Variants in PDILT observed in about 807,000 individuals in gnomAD.
PDILT encodes the protein protein disulfide isomerase like, testis expressed, also known as protein disulfide-isomerase-like protein of the testis.
Under a neutral mutation model 53.7 loss-of-function variants are expected in PDILT, and 43 were observed. The ratio of observed to expected loss-of-function variants is 0.80; its 90% CI spans 0.63 to 1.03. The LOEUF is 1.03. Among genes scored for constraint, PDILT ranks in the 50% least tolerant of loss-of-function variants. The pLI is 0.00. For synonymous variants in PDILT, 282 were observed against 274.2 expected (o/e 1.03, Z -0.28); for missense variants, 727 against 712.3 (o/e 1.02, Z -0.24).
chr16:20,390,610 T>A (rs1161065969), intron 2 of PDILT: 1 of 152,244 alleles, frequency 6.6e-6, no homozygotes. Context: ...CTCACTAGGA[T>A]GTCAGTTCCA....
chr16:20,368,275 C>T (rs2141707648), intron 8 of PDILT, among the ~76,000 whole-genome samples: 1 of 152,102 alleles, frequency 6.6e-6, no homozygotes, highest in Non-Finnish European at 1.5e-5. Flanking sequence ...CCATCAGGAG[C>T]CTAAGTCCTC....
At chr16:20,366,960 C>T (rs902702075) in intron 8 of PDILT, among the ~76,000 whole-genome samples, 2 of 132,940 alleles carry the variant, frequency 1.5e-5, no homozygotes, top group African/African-American at 5.6e-5. Context: ...TCCTTCCTTC[C>T]TTCCTTCCTT....
At chr16:20,366,984 C>A (rs1447104316) in intron 8 of PDILT, among the ~76,000 whole-genome samples, 2,589 of 58,458 alleles carry the variant, frequency 0.044, 149 homozygotes, top group South Asian at 0.11. Context: ...TCCTTCCTTC[C>A]TTCCTTTCTT....
intron 2 of PDILT, among the ~76,000 whole-genome samples, chr16:20,390,149 C>T (rs544255763): frequency 5.3e-5 from 8 of 152,258 alleles, no homozygotes; most frequent in Non-Finnish European, 1.0e-4. Flanking sequence ...GTACAGTATA[C>T]AGAGGTACTC....
In PDILT at chr16:20,365,540, T is replaced by G. The variant is rs1224735515; in HGVS notation, c.1117A>C (p.Lys373Gln). Residue 373 changes from lysine (K) to glutamine (Q), a missense_variant and splice_region_variant, in exon 9 of 12, where the codon AAA (lysine) becomes CAA (glutamine). By Grantham distance (53) the Lys-to-Gln change is moderately conservative. Coordinates refer to ENST00000302451, the MANE Select transcript of PDILT (RefSeq NM_174924.2). ...GRSFLSKNAT[K>Q]HQSSEEIPKY... ...GGAATCTCTTCACTGGATTGATGTTTCTAGGAAGCACATTTGAGAGGCCTA... is the reference window on the plus strand; with the variant it reads ...GGAATCTCTTCACTGGATTGATGTTGCTAGGAAGCACATTTGAGAGGCCTA... 4.3e-6 allele frequency: 7 copies of G among 1,614,020 alleles called. No individual in the cohort carries two copies. Among genetic ancestry groups the G allele is most frequent in the Non-Finnish European group, 5.9e-6 (7 of 1,180,004 alleles).
chr16:20,363,752 AGAG>A (rs1157824053), intron 9 of PDILT, among the ~76,000 whole-genome samples: 1 of 152,160 alleles, frequency 6.6e-6, no homozygotes, highest in Non-Finnish European at 1.5e-5. Flanking sequence ...TATATAATTC[AGAG>A]GAGGAGAACA....
chr16:20,378,208 G>GA (rs1419775841), intron 3 of PDILT, among the ~76,000 whole-genome samples: 1 of 152,170 alleles, frequency 6.6e-6, no homozygotes. Flanking sequence ...TTTACATGCA[G>GA]AAAGGTGCAT....
At chr16:20,360,240 C>T (rs1224977318) in intron 11 of PDILT, among the ~76,000 whole-genome samples, 1 of 152,178 alleles carries the variant, frequency 6.6e-6, no homozygotes, top group Non-Finnish European at 1.5e-5. Context: ...GACTGTGGTC[C>T]TATGCATCAG....
At chr16:20,367,897 G>T (rs1352910412) in intron 8 of PDILT, among the ~76,000 whole-genome samples, 2 of 152,202 alleles carry the variant, frequency 1.3e-5, no homozygotes, top group African/African-American at 2.4e-5. Flanking sequence ...AGTTAAGGGG[G>T]TTCAACCAGA....
intron 8 of PDILT, among the ~76,000 whole-genome samples, chr16:20,368,303 A>C (rs1356721267): frequency 6.6e-6 from 1 of 152,188 alleles, no homozygotes; most frequent in Non-Finnish European, 1.5e-5. Flanking sequence ...GAAGGCAGAT[A>C]GTCAGAGGAC....
At chr16:20,388,796 C>T (rs1966571053) in intron 2 of PDILT, 1 of 152,222 alleles carries the variant, frequency 6.6e-6, no homozygotes, top group Non-Finnish European at 1.5e-5. Context: ...CCTGTAATCC[C>T]AGCTACTTGG....
At chr16:20,396,918 G>A (rs1966668983) in intron 2 of PDILT, among the ~76,000 whole-genome samples, 1 of 152,094 alleles carries the variant, frequency 6.6e-6, no homozygotes, top group African/African-American at 2.4e-5. Context: ...CCTGTGACAG[G>A]GGACTGCATA....
chr16:20,363,521 G>A (rs1052155466), intron 9 of PDILT, among the ~76,000 whole-genome samples: 2 of 151,852 alleles, frequency 1.3e-5, no homozygotes, highest in African/African-American at 2.4e-5. Flanking sequence ...TACAGCACAC[G>A]GGGGTTTTCA....
intron 1 of PDILT, among the ~76,000 whole-genome samples, chr16:20,403,324 T>C (rs919159843): frequency 2.0e-5 from 3 of 152,180 alleles, no homozygotes; most frequent in African/African-American, 7.2e-5. Flanking sequence ...AGTTTTGCTC[T>C]TGTTGCCCAG....
intron 8 of PDILT, among the ~76,000 whole-genome samples, chr16:20,368,313 C>A (rs1267050086): frequency 6.6e-6 from 1 of 152,028 alleles, no homozygotes; most frequent in African/African-American, 2.4e-5. Flanking sequence ...AGTCAGAGGA[C>A]AGCAACAAGG....
intron 3 of PDILT, among the ~76,000 whole-genome samples, chr16:20,376,841 C>G (rs1367624166): frequency 6.6e-6 from 1 of 152,178 alleles, no homozygotes; most frequent in Non-Finnish European, 1.5e-5. Flanking sequence ...TATACTATAT[C>G]TGGGAAGACA....
At chr16:20,368,060 G>A (rs987022743) in intron 8 of PDILT, among the ~76,000 whole-genome samples, 8 of 152,152 alleles carry the variant, frequency 5.3e-5, no homozygotes, top group Admixed American at 5.2e-4. Flanking sequence ...GAGGGTGAGG[G>A]CAATGAGAAG....
Position 20,371,713 on chromosome 16 carries a change from T to A in PDILT, c.918+1089A>T, listed in dbSNP as rs1596583843. Among the ~76,000 whole-genome samples, 4 of 151,826 alleles carry A rather than the reference T, an allele frequency of 2.6e-5. No homozygotes were observed. In the South Asian group the frequency reaches 6.2e-4, roughly 24 times the overall value. Reference sequence around the variant, plus strand: ...ATAAATACCAGGGAGATTGAAGAGTTAAAAAAAATGGAAGAAAATAATGGC... The same window carrying A: ...ATAAATACCAGGGAGATTGAAGAGTAAAAAAAAATGGAAGAAAATAATGGC... On this transcript the variant is annotated intron_variant, in intron 7 of 11. Transcript: ENST00000302451.
chr16:20,374,706 C>T, intron 5 of PDILT, 116 bp downstream of exon 5: 1 of 1,194,934 alleles, frequency 8.4e-7, no homozygotes, highest in African/African-American at 1.5e-5. Context: ...CAGAAGTCAA[C>T]TAGTCCAATG....
Sources: allele counts gnomAD v4.1 joint callset (sites outside exome capture counted in the v4.1 genomes callset), GRCh38; gene constraint gnomAD v4.1.1; transcripts MANE v1.5; gene names NCBI Gene and HGNC (gene_info 2026-07-23, HGNC 2026-07-21).